PLCH1: variants seen among roughly 807,000 people sequenced by gnomAD.
PLCH1 encodes the protein phospholipase C eta 1.
PLCH1 carries 60 observed loss-of-function variants against 126.7 expected under a neutral mutation model. The observed-to-expected ratio is 0.47, with a 90% CI of 0.38 to 0.59. The LOEUF (loss-of-function observed/expected upper bound fraction) is 0.59. PLCH1 is among the 20% of genes least tolerant of loss of function. The pLI, the probability that PLCH1 is intolerant of heterozygous loss-of-function variation, is 0.00. For missense variants in PLCH1, 1,723 were observed against 2,040.0 expected (o/e 0.84, Z 2.99); for synonymous variants, 719 against 734.9 (o/e 0.98, Z 0.35).
chr3:155,722,382 G>A (rs1009728557), intron 1 of PLCH1, among the ~76,000 whole-genome samples: 1 of 152,052 alleles, frequency 6.6e-6, no homozygotes, highest in African/African-American at 2.4e-5. Context: ...GGCTGGTCTG[G>A]AACTCCTGAC....
intron 2 of PLCH1, among the ~76,000 whole-genome samples, chr3:155,702,076 T>C (rs1189275279): frequency 6.6e-6 from 1 of 152,186 alleles, no homozygotes; most frequent in Non-Finnish European, 1.5e-5. Context: ...ATATTTTAAG[T>C]GTTATACTGC....
intron 2 of PLCH1, among the ~76,000 whole-genome samples, chr3:155,612,908 T>TAAAAAAAAAAAAAAAAAAAAAAAA (rs59489759): frequency 1.1e-5 from 1 of 94,638 alleles, no homozygotes; most frequent in Non-Finnish European, 1.9e-5. Flanking sequence ...AACTGTGTAT[T>TAAAAAAAAAAAAAAAAAAAAAAAA]AAAAAAAAAA....
Position 155,480,917 on chromosome 3 carries a change from T to C in PLCH1, c.*51A>G. ...CAAGGAACTTATTTACTGAAAACTC[T>C]GACATTCTACAGAATACCTTGAAAA... is the stretch of plus-strand genomic sequence containing the variant. On this transcript the variant is annotated 3_prime_UTR_variant, in exon 23 of 23. Coordinates refer to ENST00000460012, the MANE Select transcript of PLCH1 (RefSeq NM_014996.4). 7.1e-7 allele frequency: 1 copy of C among 1,416,402 alleles called. No homozygotes were observed. The highest frequency in any genetic ancestry group is 9.5e-7 in the Non-Finnish European group (1 of 1,050,880). The allele number at this position is 1,416,402 out of a possible 1,614,324, so 87.7% of individuals were successfully genotyped here. A position where few individuals can be genotyped will look rare whatever the true frequency, so the allele number is the denominator to read the frequency against.
chr3:155,670,096 G>GT (rs928639003), intron 2 of PLCH1, among the ~76,000 whole-genome samples: 1 of 152,116 alleles, frequency 6.6e-6, no homozygotes, highest in African/African-American at 2.4e-5. Flanking sequence ...AAGATTGCTT[G>GT]TTTTTTTAAA....
At chr3:155,685,270 G>A (rs1744848592) in intron 2 of PLCH1, among the ~76,000 whole-genome samples, 1 of 152,240 alleles carries the variant, frequency 6.6e-6, no homozygotes, top group South Asian at 2.1e-4. Flanking sequence ...GGGTAAGTGA[G>A]GGGATGATGG....
chr3:155,740,685 T>G (rs1338895611), intron 1 of PLCH1, among the ~76,000 whole-genome samples: 1 of 152,128 alleles, frequency 6.6e-6, no homozygotes, highest in Non-Finnish European at 1.5e-5. Context: ...ACCTCATGTC[T>G]AAAATTAAAA....
At chr3:155,622,322 C>T (rs1363823860) in intron 2 of PLCH1, among the ~76,000 whole-genome samples, 2 of 152,130 alleles carry the variant, frequency 1.3e-5, no homozygotes, top group Admixed American at 1.3e-4. Context: ...ACATGGTAAA[C>T]ACCATCAACA....
intron 6 of PLCH1, 114 bp from the exon 7 acceptor site, chr3:155,568,438 G>T: frequency 4.0e-6 from 2 of 496,670 alleles, no homozygotes; most frequent in South Asian, 3.9e-5. Context: ...GTACCTAAAT[G>T]AGCATTGTTT....
intron 2 of PLCH1, among the ~76,000 whole-genome samples, chr3:155,682,538 G>A (rs994926712): frequency 2.6e-5 from 4 of 152,058 alleles, no homozygotes; most frequent in Admixed American, 6.6e-5. Context: ...TACACCTTAC[G>A]AAGTCCTCTA....
chr3:155,535,386 G>A (rs1304515281), intron 10 of PLCH1, among the ~76,000 whole-genome samples: 1 of 152,360 alleles, frequency 6.6e-6, no homozygotes, highest in African/African-American at 2.4e-5. Context: ...GGGGAGGCTT[G>A]TAGCCTGGGG....
chr3:155,640,558 T>C (rs1739282286), intron 2 of PLCH1, among the ~76,000 whole-genome samples: 1 of 152,136 alleles, frequency 6.6e-6, no homozygotes, highest in African/African-American at 2.4e-5. Flanking sequence ...TGTGGTCCTT[T>C]AACAGCCTAT....
At chr3:155,685,420 A>AAG (rs1442045047) in intron 2 of PLCH1, among the ~76,000 whole-genome samples, 1 of 152,216 alleles carries the variant, frequency 6.6e-6, no homozygotes, top group Non-Finnish European at 1.5e-5. Flanking sequence ...GTGATTTAGG[A>AAG]AGAGAGAGAG....
intron 2 of PLCH1, among the ~76,000 whole-genome samples, chr3:155,646,538 G>C (rs1328486306): frequency 6.6e-6 from 1 of 152,132 alleles, no homozygotes; most frequent in Non-Finnish European, 1.5e-5. Flanking sequence ...TCTTTAAAAA[G>C]TATGTGAAAT....
At chr3:155,453,323 A>G (rs1414810997) in intron 21 of PLCH1, among the ~76,000 whole-genome samples, 2 of 152,208 alleles carry the variant, frequency 1.3e-5, no homozygotes, top group African/African-American at 4.8e-5. Context: ...GGTATAATTT[A>G]AATAGAGACC....
chr3:155,647,468 A>G (rs1323994134), intron 2 of PLCH1, among the ~76,000 whole-genome samples: 1 of 151,918 alleles, frequency 6.6e-6, no homozygotes, highest in Non-Finnish European at 1.5e-5. Flanking sequence ...TTACACCAAA[A>G]GACACAATGA....
chr3:155,459,788 T>C (rs926804835), intron 21 of PLCH1, among the ~76,000 whole-genome samples: 1 of 152,186 alleles, frequency 6.6e-6, no homozygotes, highest in Non-Finnish European at 1.5e-5. Context: ...ATGAGCAGCA[T>C]GGCCAGAGGG....
intron 6 of PLCH1, among the ~76,000 whole-genome samples, chr3:155,572,076 TCAAAGGCAAC>T (rs1472591278): frequency 6.6e-6 from 1 of 152,218 alleles, no homozygotes; most frequent in East Asian, 1.9e-4. Flanking sequence ...TTCCACATAA[TCAAAGGCAAC>T]AGATAATCCA....
At chr3:155,632,725 G>T (rs1738198290) in intron 2 of PLCH1, among the ~76,000 whole-genome samples, 1 of 152,124 alleles carries the variant, frequency 6.6e-6, no homozygotes, top group Non-Finnish European at 1.5e-5. Flanking sequence ...CTGATTTATG[G>T]AAATCTTTTA....
intron 8 of PLCH1, among the ~76,000 whole-genome samples, chr3:155,558,207 T>C (rs1025926375): frequency 6.6e-6 from 1 of 152,230 alleles, no homozygotes; most frequent in Non-Finnish European, 1.5e-5. Context: ...TGTAGAATCA[T>C]TCTTCTCCAT....
Sources: allele counts gnomAD v4.1 joint callset (sites outside exome capture counted in the v4.1 genomes callset), GRCh38; gene constraint gnomAD v4.1.1; transcripts MANE v1.5; gene names NCBI Gene and HGNC (gene_info 2026-07-23, HGNC 2026-07-21).